Variants in SDK1 observed in about 807,000 individuals in gnomAD.
The protein encoded by SDK1 is sidekick cell adhesion molecule 1.
Under a neutral mutation model 245.5 loss-of-function variants are expected in SDK1, and 157 were observed. The ratio of observed to expected loss-of-function variants is 0.64; its 90% CI spans 0.56 to 0.73. SDK1 has a LOEUF of 0.73. Among genes scored for constraint, SDK1 ranks in the 30% least tolerant of loss-of-function variants. The probability of loss-of-function intolerance (pLI) is 0.00; values close to 1 mark genes in which losing one functional copy is unlikely to be tolerated. For missense variants in SDK1, 3,583 were observed against 3,002.3 expected, an observed-to-expected ratio of 1.19 and a Z score of -4.52; for synonymous variants, 1,647 against 1,278.5, an observed-to-expected ratio of 1.29 and a Z score of -6.15.
intron 1 of SDK1, among the ~76,000 whole-genome samples, chr7:3,415,593 C>G (rs928796016): frequency 2.0e-5 from 3 of 151,830 alleles, no homozygotes; most frequent in African/African-American, 7.3e-5. Flanking sequence ...TATACACACA[C>G]AGAAGTACAA....
In SDK1 at chr7:3,492,335, A is replaced by G. The variant is rs1311975587; in HGVS notation, c.299-126745A>G. On this transcript the variant is annotated intron_variant, in intron 1 of 44. Coordinates refer to ENST00000404826, the MANE Select transcript of SDK1 (RefSeq NM_152744.4). The stretch of plus-strand genomic sequence containing the variant: ...CGGTGAAACCCCGTCTCTACTAAAA[A>G]TAGAAAAAATTAGCCAGGCATGGTG... Among the ~76,000 whole-genome samples the G allele has an allele frequency of 4.6e-5, 7 of 152,330 alleles. No individual in the cohort carries two copies. In the East Asian group the frequency reaches 1.2e-3, roughly 25 times the overall value.
intron 5 of SDK1, among the ~76,000 whole-genome samples, chr7:3,949,275 C>G (rs1253298297): frequency 1.3e-5 from 2 of 152,202 alleles, no homozygotes; most frequent in African/African-American, 4.8e-5. Context: ...TTAAAACATT[C>G]ATTACTTGGC....
chr7:3,405,188 A>G (rs1046961684), intron 1 of SDK1, among the ~76,000 whole-genome samples: 1 of 152,018 alleles, frequency 6.6e-6, no homozygotes, highest in Non-Finnish European at 1.5e-5. Flanking sequence ...AAAAACAAAA[A>G]ACACTTTCCT....
intron 1 of SDK1, among the ~76,000 whole-genome samples, chr7:3,448,860 C>T (rs557416627): frequency 5.4e-4 from 82 of 152,274 alleles, no homozygotes; most frequent in Non-Finnish European, 9.8e-4. Flanking sequence ...TTTCTCTTTG[C>T]TCAAATGTCA....
At chr7:3,968,107 C>T (rs1013403226) in intron 10 of SDK1, among the ~76,000 whole-genome samples, 5 of 152,254 alleles carry the variant, frequency 3.3e-5, no homozygotes, top group South Asian at 2.1e-4. Context: ...TCACTTTTCC[C>T]ACTGTTAAGT....
chr7:3,601,136 G>A (rs1781240708), intron 1 of SDK1, among the ~76,000 whole-genome samples: 1 of 152,020 alleles, frequency 6.6e-6, no homozygotes, highest in Non-Finnish European at 1.5e-5. Context: ...ATATTTTGTT[G>A]AAGATTTTTG....
chr7:3,777,224 G>C (rs1429142849), intron 4 of SDK1, among the ~76,000 whole-genome samples: 1 of 152,184 alleles, frequency 6.6e-6, no homozygotes, highest in Admixed American at 6.5e-5. Context: ...GACCTGTGCA[G>C]AACGCGAGTT....
intron 1 of SDK1, among the ~76,000 whole-genome samples, chr7:3,357,394 G>T (rs1234325148): frequency 2.4e-5 from 3 of 124,596 alleles, no homozygotes; most frequent in Non-Finnish European, 4.8e-5. Context: ...CTGTTGCCCA[G>T]GCTGGAGTGC....
At chr7:3,768,630 C>T (rs750499371) in intron 4 of SDK1, among the ~76,000 whole-genome samples, 2 of 152,206 alleles carry the variant, frequency 1.3e-5, no homozygotes, top group Non-Finnish European at 2.9e-5. Flanking sequence ...ATAAATTACA[C>T]GCCTAGTCTC....
At chr7:3,550,677 T>G (rs1375373641) in intron 1 of SDK1, among the ~76,000 whole-genome samples, 1 of 152,224 alleles carries the variant, frequency 6.6e-6, no homozygotes, top group African/African-American at 2.4e-5. Flanking sequence ...TTCAGAAATT[T>G]TCTTGCACTC....
At chr7:4,230,692 G>A (rs979873718) in intron 40 of SDK1, among the ~76,000 whole-genome samples, 2 of 152,068 alleles carry the variant, frequency 1.3e-5, no homozygotes, top group African/African-American at 4.8e-5. Context: ...TGGAATGGAT[G>A]GATGGTTACA....
intron 4 of SDK1, among the ~76,000 whole-genome samples, chr7:3,780,871 C>T (rs1348935887): frequency 6.6e-6 from 1 of 152,128 alleles, no homozygotes; most frequent in Non-Finnish European, 1.5e-5. Context: ...AGACTCCCAG[C>T]TCCACAGATT....
intron 4 of SDK1, among the ~76,000 whole-genome samples, chr7:3,760,027 A>G (rs1174835423): frequency 6.6e-6 from 1 of 151,872 alleles, no homozygotes; most frequent in African/African-American, 2.4e-5. Context: ...GATTTGTTTT[A>G]TGTATTTTTT....
intron 4 of SDK1, among the ~76,000 whole-genome samples, chr7:3,802,813 G>A (rs1373071659): frequency 2.6e-5 from 4 of 152,118 alleles, no homozygotes; most frequent in African/African-American, 7.2e-5. Context: ...TTGTGATGCC[G>A]GATTCTGTGC....
intron 4 of SDK1, among the ~76,000 whole-genome samples, chr7:3,742,621 T>C (rs370622814): frequency 1.4e-4 from 22 of 152,310 alleles, no homozygotes; most frequent in African/African-American, 5.3e-4. Context: ...TTTTTCCAAA[T>C]AGTATAAAAG....
intron 1 of SDK1, among the ~76,000 whole-genome samples, chr7:3,451,003 A>G (rs1342008598): frequency 6.6e-6 from 1 of 152,164 alleles, no homozygotes; most frequent in African/African-American, 2.4e-5. Flanking sequence ...ACATCAGCTC[A>G]TCCTCAAACC....
chr7:3,396,042 C>A (rs1781888066), intron 1 of SDK1, among the ~76,000 whole-genome samples: 1 of 151,532 alleles, frequency 6.6e-6, no homozygotes, highest in East Asian at 1.9e-4. Flanking sequence ...AAGGTGAATT[C>A]TTAGATTATT....
At chr7:4,247,193 G>C (rs1042236504) in intron 44 of SDK1, among the ~76,000 whole-genome samples, 5 of 152,114 alleles carry the variant, frequency 3.3e-5, no homozygotes, top group African/African-American at 1.2e-4. Context: ...CTGAATTCAG[G>C]CCTTATTGAG....
At chr7:3,414,898 G>A (rs1411985838) in intron 1 of SDK1, among the ~76,000 whole-genome samples, 1 of 152,148 alleles carries the variant, frequency 6.6e-6, no homozygotes, top group Non-Finnish European at 1.5e-5. Context: ...GTTGTAGCAT[G>A]TGTCAGATCT....
Sources: allele counts gnomAD v4.1 joint callset (sites outside exome capture counted in the v4.1 genomes callset), GRCh38; gene constraint gnomAD v4.1.1; transcripts MANE v1.5; gene names NCBI Gene and HGNC (gene_info 2026-07-23, HGNC 2026-07-21).